Variants in CCNB2 observed in about 807,000 individuals in gnomAD.
The protein encoded by CCNB2 is G2/mitotic-specific cyclin-B2.
CCNB2 carries 39 observed loss-of-function variants against 51.1 expected under a neutral mutation model. The observed-to-expected ratio is 0.76, with a 90% CI of 0.59 to 1.00. CCNB2 has a LOEUF of 1.00. CCNB2 is among the 50% of genes least tolerant of loss of function. The probability of loss-of-function intolerance (pLI) is 0.00; values close to 1 mark genes in which losing one functional copy is unlikely to be tolerated. For synonymous variants in CCNB2, 174 were observed against 165.5 expected (o/e 1.05, Z -0.40); for missense variants, 472 against 470.3 (o/e 1.00, Z -0.03).
At chr15:59,117,436 A>G (rs1202216573) in intron 7 of CCNB2, 68 bp downstream of exon 7, 1 of 1,496,926 alleles carries the variant, frequency 6.7e-7, no homozygotes, top group African/African-American at 1.4e-5. Flanking sequence ...AAAAGGCCTT[A>G]GCATTTTTAC....
intron 8 of CCNB2, chr15:59,124,366 A>T (rs2079316270): frequency 9.0e-6 from 2 of 222,174 alleles, no homozygotes; most frequent in East Asian, 3.1e-4. Flanking sequence ...TTTGTTAAGC[A>T]CTAGTTGCCA....
intron 7 of CCNB2, among the ~76,000 whole-genome samples, chr15:59,120,485 G>A (rs532210184): frequency 1.3e-5 from 2 of 152,182 alleles, no homozygotes; most frequent in South Asian, 2.1e-4. Context: ...GAGGGAGATA[G>A]GAACTGGCTT....
chr15:59,114,400 A>T, intron 3 of CCNB2, 44 bp from the exon 4 acceptor site: 8 of 1,468,452 alleles, frequency 5.4e-6, no homozygotes, highest in Non-Finnish European at 7.3e-6. Flanking sequence ...GCATGTATTT[A>T]TGGTTAAGGC....
chr15:59,114,437 G>A lies in CCNB2; in HGVS notation c.268-7G>A. On this transcript the variant is annotated splice_polypyrimidine_tract_variant and splice_region_variant and intron_variant, in intron 3 of 8. Transcript: ENST00000288207. ...GCTCCTACATGTGCCTAAATTTGTT[G>A]GTGTAGGGTCCTTCTCCCACACCTG... The A allele has an allele frequency of 6.4e-7, 1 of 1,568,300 alleles. No individual in the cohort carries two copies. The highest frequency in any genetic ancestry group is 8.6e-7 in the Non-Finnish European group (1 of 1,159,150).
chr15:59,107,251 T>C (rs2140285095), intron 1 of CCNB2, 71 bp from the exon 2 acceptor site: 2 of 1,384,186 alleles, frequency 1.4e-6, no homozygotes, highest in South Asian at 1.4e-5. Context: ...AATTCTAAAT[T>C]TGAGTATCTA....
At chr15:59,110,013 AAAAC>A (rs1295781954) in intron 3 of CCNB2, among the ~76,000 whole-genome samples, 1 of 152,192 alleles carries the variant, frequency 6.6e-6, no homozygotes, top group Non-Finnish European at 1.5e-5. Flanking sequence ...AACAAGAACA[AAAAC>A]AAAAAACTTC....
intron 6 of CCNB2, 120 bp downstream of exon 6, chr15:59,117,046 T>C (rs1245168307): frequency 2.0e-6 from 2 of 982,938 alleles, no homozygotes; most frequent in East Asian, 4.8e-5. Context: ...CTTAATGCTT[T>C]CCTCATCAGT....
At chr15:59,121,731 A>C (rs1187461625) in intron 7 of CCNB2, among the ~76,000 whole-genome samples, 6 of 152,092 alleles carry the variant, frequency 3.9e-5, no homozygotes, top group Non-Finnish European at 5.9e-5. Context: ...CAGGAGTTTG[A>C]GACCAGCCTA....
At chr15:59,118,975 T>G (rs1761383605) in intron 7 of CCNB2, among the ~76,000 whole-genome samples, 1 of 152,172 alleles carries the variant, frequency 6.6e-6, no homozygotes, top group African/African-American at 2.4e-5. Flanking sequence ...TGTATATATA[T>G]TTATATATTT....
In CCNB2 at chr15:59,105,266, C is replaced by G. The variant is rs771457855; in HGVS notation, c.-3C>G. On this transcript the variant is annotated 5_prime_UTR_variant, in exon 1 of 9. Transcript: ENST00000288207. The stretch of plus-strand genomic sequence containing the variant: ...GCTGGCACTCTTGCCTTCCCCGTCC[C>G]TCATGGCGCTGCTCCGACGCCCGAC... The G allele has an allele frequency of 2.6e-6, 4 of 1,567,442 alleles. No homozygotes were observed. Among genetic ancestry groups the G allele is most frequent in the Non-Finnish European group, 3.5e-6 (4 of 1,159,028 alleles).
chr15:59,116,779 T>C lies in CCNB2; in HGVS notation c.687T>C (p.Asn229=), dbSNP rs753324651. Residue 229 remains asparagine, a synonymous_variant, in exon 6 of 9, where the codon AAT becomes AAC. Coordinates refer to ENST00000288207, the MANE Select transcript of CCNB2 (RefSeq NM_004701.4). ...ASKYEEMFSP[N]IEDFVYITDN... is the part of the protein sequence containing the mutation. The stretch of plus-strand genomic sequence containing the variant: ...AGTATGAGGAGATGTTTTCTCCAAA[T>C]ATTGAAGACTTTGTTTACATCACAG... 1 of 1,613,990 alleles carries C rather than the reference T, an allele frequency of 6.2e-7. No individual in the cohort carries two copies. The highest frequency in any genetic ancestry group is 1.7e-5 in the Admixed American group (1 of 60,026).
chr15:59,109,966 G>T (rs866648995), intron 3 of CCNB2, among the ~76,000 whole-genome samples: 3 of 152,154 alleles, frequency 2.0e-5, no homozygotes, highest in African/African-American at 7.2e-5. Context: ...CAGCCTGGGC[G>T]ACAGCGAGAC....
chr15:59,113,971 G>C (rs961236733), intron 3 of CCNB2, among the ~76,000 whole-genome samples: 2 of 152,212 alleles, frequency 1.3e-5, no homozygotes, highest in African/African-American at 4.8e-5. Context: ...CAAAGTGCTA[G>C]AATTACAGGC....
intron 8 of CCNB2, 86 bp downstream of exon 8, chr15:59,123,713 C>A (rs2079313443): frequency 1.4e-6 from 1 of 697,222 alleles, no homozygotes; most frequent in Non-Finnish European, 2.6e-6. Flanking sequence ...CGGTGTGTGC[C>A]GTCATGTAAA....
chr15:59,112,562 A>C (rs1277698052), intron 3 of CCNB2, among the ~76,000 whole-genome samples: 5 of 151,512 alleles, frequency 3.3e-5, no homozygotes, highest in Non-Finnish European at 7.4e-5. Flanking sequence ...GGTTAGGCTG[A>C]TTTCAAACTT....
intron 5 of CCNB2, chr15:59,115,661 A>G (rs1340795028): frequency 6.6e-6 from 1 of 152,244 alleles, no homozygotes; most frequent in Non-Finnish European, 1.5e-5. Context: ...CTGAGATACT[A>G]CAAAATCCCA....
At chr15:59,107,731 A>C in intron 3 of CCNB2, 61 bp downstream of exon 3, 1 of 1,281,826 alleles carries the variant, frequency 7.8e-7, no homozygotes, top group African/African-American at 1.5e-5. Context: ...GCCAGACTAC[A>C]AGGGTGCCTT....
In CCNB2 at chr15:59,116,904, G is replaced by C; in HGVS notation, c.812G>C (p.Arg271Thr). 1 of 1,613,814 alleles carries C rather than the reference G, an allele frequency of 6.2e-7. No homozygotes were observed. The highest frequency in any genetic ancestry group is 8.5e-7 in the Non-Finnish European group (1 of 1,179,718). Residue 271 changes from arginine to threonine, a missense_variant, in exon 6 of 9, where the codon AGG becomes ACG. Coordinates refer to ENST00000288207, the MANE Select transcript of CCNB2 (RefSeq NM_004701.4). ...CGACCCTTGCCACTACACTTCTTAA[G>C]GCGAGCATCAAAAGCCGGGGAGGTA... The part of the protein sequence containing the change: ...LGRPLPLHFL[R>T]RASKAGEVDV...
chr15:59,109,956 C>T (rs2079251439), intron 3 of CCNB2, among the ~76,000 whole-genome samples: 1 of 152,154 alleles, frequency 6.6e-6, no homozygotes, highest in Non-Finnish European at 1.5e-5. Context: ...CACTGCACTC[C>T]AGCCTGGGCG....
Sources: gnomAD v4.1 joint callset for allele counts (sites outside exome capture counted in the v4.1 genomes callset) on GRCh38, gnomAD v4.1.1 for gene constraint, MANE v1.5 for transcripts, NCBI Gene and HGNC (gene_info 2026-07-23, HGNC 2026-07-21) for gene names.